Variants in DMD observed in about 807,000 individuals in gnomAD.
DMD encodes the protein mutant dystrophin.
Under a neutral mutation model 330.1 loss-of-function variants are expected in DMD, and 63 were observed. That is an observed-to-expected ratio of 0.19 (90% CI 0.16 to 0.24). The LOEUF is 0.24. Among genes scored for constraint, DMD ranks in the 10% least tolerant of loss-of-function variants. The pLI, the probability that DMD is intolerant of heterozygous loss-of-function variation, is 1.00. For missense variants in DMD, 3,344 were observed against 2,684.1 expected (o/e 1.25, Z -5.43); for synonymous variants, 1,223 against 959.8 (o/e 1.27, Z -5.07).
At chrX:31,628,527 TTG>T (rs1457683623) in intron 54 of DMD, among the ~76,000 whole-genome samples, 2 of 111,668 alleles carry the variant, frequency 1.8e-5, no homozygotes, top group Admixed American at 9.6e-5. Flanking sequence ...GTTATAATTA[TTG>T]TGTTAGTTTC....
chrX:32,762,557 C>T (rs5971659), intron 7 of DMD, among the ~76,000 whole-genome samples: 14,367 of 110,927 alleles, frequency 0.13, 1,203 homozygotes, highest in African/African-American at 0.29. Flanking sequence ...GAGGGCTCAT[C>T]AGGAGAGCTC....
chrX:33,209,774 C>T (rs1385002430), intron 1 of DMD, among the ~76,000 whole-genome samples: 1 of 111,014 alleles, frequency 9.0e-6, no homozygotes, highest in Non-Finnish European at 1.9e-5. Context: ...GATTACCTTT[C>T]TTCGCATTCT....
chrX:32,037,289 C>A (rs753683891), intron 44 of DMD, among the ~76,000 whole-genome samples: 2 of 111,673 alleles, frequency 1.8e-5, no homozygotes, highest in African/African-American at 3.2e-5. Context: ...GCAGTATATT[C>A]CCACAGAACA....
intron 2 of DMD, among the ~76,000 whole-genome samples, chrX:32,954,674 T>A (rs954928873): frequency 9.0e-6 from 1 of 111,263 alleles, no homozygotes; most frequent in South Asian, 3.8e-4. Flanking sequence ...TATTTTTTTT[T>A]AATCCTCTCC....
intron 64 of DMD, among the ~76,000 whole-genome samples, chrX:31,221,936 T>C (rs2046089224): frequency 9.0e-6 from 1 of 111,435 alleles, no homozygotes; most frequent in South Asian, 3.8e-4. Flanking sequence ...CTCATGCCTG[T>C]AATCCCAGCA....
intron 76 of DMD, among the ~76,000 whole-genome samples, chrX:31,141,315 T>G (rs372897033): frequency 8.9e-6 from 1 of 112,457 alleles, no homozygotes. Context: ...TATTTCAGGT[T>G]AAGAACATAA....
intron 62 of DMD, among the ~76,000 whole-genome samples, chrX:31,321,583 C>CAAAAAAAA (rs1190446358): frequency 0.021 from 215 of 10,436 alleles, 16 homozygotes; most frequent in African/African-American, 0.04. Context: ...AACTCCATCT[C>CAAAAAAAA]AAAAAAAAAA....
chrX:33,304,044 T>G (rs2148941092), intron 1 of DMD, among the ~76,000 whole-genome samples: 1 of 111,493 alleles, frequency 9.0e-6, no homozygotes. Context: ...CCTTTCAAAT[T>G]TATTAATGAA....
At chrX:32,372,408 C>A (rs1389758705) in intron 34 of DMD, among the ~76,000 whole-genome samples, 3 of 111,601 alleles carry the variant, frequency 2.7e-5, no homozygotes, top group Non-Finnish European at 5.7e-5. Flanking sequence ...GCTCAAGGAA[C>A]TTGTGCAGTT....
chrX:31,307,402 T>C (rs1461712508), intron 62 of DMD, among the ~76,000 whole-genome samples: 1 of 111,979 alleles, frequency 8.9e-6, no homozygotes, highest in East Asian at 2.8e-4. Flanking sequence ...GGACTTGGAA[T>C]ATAATTGGCA....
At chrX:33,141,394 C>T (rs746115002) in intron 1 of DMD, among the ~76,000 whole-genome samples, 2 of 111,129 alleles carry the variant, frequency 1.8e-5, no homozygotes, top group East Asian at 2.8e-4. Flanking sequence ...AGTGTGACCT[C>T]GCTACTGGTC....
chrX:31,838,323 C>A (rs1418919122), intron 48 of DMD, among the ~76,000 whole-genome samples: 2 of 111,530 alleles, frequency 1.8e-5, no homozygotes, highest in Non-Finnish European at 1.9e-5. Flanking sequence ...AGCATATCTT[C>A]AGCAAGGTAA....
intron 55 of DMD, among the ~76,000 whole-genome samples, chrX:31,612,366 T>A (rs1299820227): frequency 1.8e-5 from 2 of 112,299 alleles, no homozygotes; most frequent in Non-Finnish European, 3.8e-5. Context: ...GAAATGAATT[T>A]CTATCATTTG....
intron 45 of DMD, among the ~76,000 whole-genome samples, chrX:31,937,909 T>C (rs59765830): frequency 0.01 from 1,115 of 110,271 alleles, 16 homozygotes; most frequent in African/African-American, 0.034. Flanking sequence ...CATTTAGACA[T>C]TTAGCTTTTT....
intron 63 of DMD, among the ~76,000 whole-genome samples, chrX:31,227,100 A>C (rs1244808102): frequency 9.0e-6 from 1 of 110,567 alleles, no homozygotes; most frequent in African/African-American, 3.3e-5. Context: ...GTTTCCTATC[A>C]TCTTTCTTCT....
intron 4 of DMD, among the ~76,000 whole-genome samples, chrX:32,836,023 G>A (rs1378385909): frequency 3.7e-5 from 4 of 107,237 alleles, no homozygotes; most frequent in Non-Finnish European, 7.6e-5. Context: ...ACTTATCACT[G>A]GTATTCAAAA....
In DMD at chrX:31,187,716, TCAGAGAGAGA is replaced by T. The variant is rs1404207536; in HGVS notation, c.9808-4822_9808-4813del. On this transcript the variant is annotated intron_variant, in intron 67 of 78. Transcript: ENST00000357033. ...TCAGCTCTGGAATCTTCCCAGATTC[TCAGAGAGAGA>T]GAGAGAGAGAGAGAGAGAGAGAGAG... Among the ~76,000 whole-genome samples the T allele has an allele frequency of 1.7e-3, 129 of 76,609 alleles. 3 individuals are homozygous for T. Among genetic ancestry groups the T allele is most frequent in the South Asian group, 0.016 (21 of 1,325 alleles). 66.5% of individuals were successfully genotyped at this position (76,609 alleles called of 115,157 possible).
At chrX:32,638,567 A>G (rs1420246796) in intron 11 of DMD, among the ~76,000 whole-genome samples, 2 of 111,867 alleles carry the variant, frequency 1.8e-5, no homozygotes, top group Non-Finnish European at 3.8e-5. Flanking sequence ...CTGGTCCTAC[A>G]CCACCTTGAT....
In DMD at chrX:31,913,682, A is replaced by G. The variant is rs141529642; in HGVS notation, c.6912+15914T>C. 1.2e-4 allele frequency among the ~76,000 whole-genome samples: 13 copies of G among 111,777 alleles called. No individual in the cohort carries two copies. In the East Asian group the frequency reaches 3.6e-3, roughly 31 times the overall value. On this transcript the variant is annotated intron_variant, in intron 47 of 78. Coordinates refer to ENST00000357033, the MANE Select transcript of DMD (RefSeq NM_004006.3). ...CTGAGTTGTGGTGAAGAATAAGTCAATGACAAGGTCAGCATCCATTCCAGA... is the reference window on the plus strand; with the variant it reads ...CTGAGTTGTGGTGAAGAATAAGTCAGTGACAAGGTCAGCATCCATTCCAGA...
Sources: allele counts gnomAD v4.1 joint callset (sites outside exome capture counted in the v4.1 genomes callset), GRCh38; gene constraint gnomAD v4.1.1; transcripts MANE v1.5; gene names NCBI Gene and HGNC (gene_info 2026-07-23, HGNC 2026-07-21).